Variants in QDPR observed in about 807,000 individuals in gnomAD.
QDPR encodes quinoid dihydropteridine reductase.
In QDPR, 23 loss-of-function variants were observed where a neutral mutation model predicts 31.7. The observed-to-expected ratio is 0.73, with a 90% confidence interval of 0.52 to 1.03. The LOEUF (loss-of-function observed/expected upper bound fraction) is 1.03, where lower values mean the gene tolerates loss of function less well. QDPR is among the 50% of genes least tolerant of loss of function. The pLI, the probability that QDPR is intolerant of heterozygous loss-of-function variation, is 0.00. For missense variants in QDPR, 324 were observed against 323.8 expected, an observed-to-expected ratio of 1.00 and a Z score of 0.00; for synonymous variants, 124 against 124.7, an observed-to-expected ratio of 0.99 and a Z score of 0.03.
At chr4:17,490,798 G>A in intron 5 of QDPR, 53 bp from the exon 6 acceptor site, 2 of 1,459,418 alleles carry the variant, frequency 1.4e-6, no homozygotes, top group Non-Finnish European at 1.9e-6. Context: ...TCTAACAACA[G>A]GTGCCCAGTC....
chr4:17,503,989 G>A (rs1718661712), intron 3 of QDPR, among the ~76,000 whole-genome samples: 1 of 151,852 alleles, frequency 6.6e-6, no homozygotes, highest in African/African-American at 2.4e-5. Context: ...GGGAGGGAAG[G>A]GAAGGGAAAA....
At chr4:17,499,533 T>G (rs1297724577) in intron 4 of QDPR, among the ~76,000 whole-genome samples, 1 of 152,252 alleles carries the variant, frequency 6.6e-6, no homozygotes, top group Non-Finnish European at 1.5e-5. Flanking sequence ...AGCCATGGAC[T>G]TGTAACATCA....
intron 2 of QDPR, among the ~76,000 whole-genome samples, chr4:17,509,027 A>G (rs952971444): frequency 1.8e-4 from 28 of 152,012 alleles, no homozygotes; most frequent in Non-Finnish European, 2.2e-4. Context: ...GGGTGGTGGC[A>G]GGCACCTGTA....
At chr4:17,495,222 A>G (rs182579010) in intron 4 of QDPR, among the ~76,000 whole-genome samples, 1 of 152,132 alleles carries the variant, frequency 6.6e-6, no homozygotes, top group Non-Finnish European at 1.5e-5. Context: ...TGGCCTTAAC[A>G]CCATCAAACC....
chr4:17,505,661 G>A (rs1365389901), intron 2 of QDPR, among the ~76,000 whole-genome samples: 2 of 152,122 alleles, frequency 1.3e-5, no homozygotes, highest in Non-Finnish European at 2.9e-5. Context: ...AGACCAGCCC[G>A]GGCAACATAA....
intron 4 of QDPR, among the ~76,000 whole-genome samples, chr4:17,500,856 C>T (rs1228144400): frequency 6.6e-6 from 1 of 152,164 alleles, no homozygotes; most frequent in Non-Finnish European, 1.5e-5. Flanking sequence ...AGACAAGTTA[C>T]TTAACTCTCC....
chr4:17,497,900 T>C (rs901242791), intron 4 of QDPR, among the ~76,000 whole-genome samples: 3 of 152,350 alleles, frequency 2.0e-5, no homozygotes, highest in African/African-American at 4.8e-5. Flanking sequence ...TTGGTCTTCC[T>C]TTCCTCCCAC....
At chr4:17,487,330 A>C in intron 6 of QDPR, 94 bp from the exon 7 acceptor site, 52 of 625,058 alleles carry the variant, frequency 8.3e-5, no homozygotes, top group Middle Eastern at 2.7e-4. Flanking sequence ...GGTGGGGGGA[A>C]GGGGTGGCAC....
chr4:17,501,568 G>A, intron 4 of QDPR, 151 bp downstream of exon 4: 2 of 916,640 alleles, frequency 2.2e-6, no homozygotes, highest in Non-Finnish European at 3.4e-6. Flanking sequence ...TCCCTAAAAT[G>A]ATTCAGGCCC....
Position 17,493,687 on chromosome 4 carries a change from A to AG in QDPR, c.437-1348dup, listed in dbSNP as rs532537012. ...GGCATGGAACTTCCACGCCTGCTCC[A>AG]GCCACGCCACCCTCCCAGTGCCCTC... On this transcript the variant is annotated intron_variant, in intron 4 of 6. Transcript: ENST00000281243. Among the ~76,000 whole-genome samples the AG allele has an allele frequency of 3.1e-4, 47 of 152,292 alleles. 1 individual carries two copies. The South Asian group carries it at 9.7e-3, about 32-fold the overall frequency.
chr4:17,486,984 AG>A lies in QDPR; in HGVS notation c.*146del, dbSNP rs1363603600. 4 of 717,244 alleles carry A rather than the reference AG, an allele frequency of 5.6e-6. No homozygotes were observed. The highest frequency in any genetic ancestry group is 1.0e-5 in the Non-Finnish European group (4 of 394,260). 44.4% of individuals were successfully genotyped at this position (717,244 alleles called of 1,614,324 possible). ...TAAATGTATTACACTGTCCTAGGAG[AG>A]CAAATGCATATTATGTGAGAGAAAA... On this transcript the variant is annotated 3_prime_UTR_variant, in exon 7 of 7. Transcript: ENST00000281243.
intron 3 of QDPR, among the ~76,000 whole-genome samples, chr4:17,503,108 C>T (rs1013608509): frequency 2.6e-5 from 4 of 152,116 alleles, no homozygotes; most frequent in Non-Finnish European, 5.9e-5. Context: ...ACGGGGAATA[C>T]CAAGGATAGA....
intron 4 of QDPR, among the ~76,000 whole-genome samples, chr4:17,495,943 C>T (rs1036136741): frequency 6.6e-6 from 1 of 151,744 alleles, no homozygotes; most frequent in Non-Finnish European, 1.5e-5. Flanking sequence ...CCCGGGAGGT[C>T]GAGGCTGCAG....
In QDPR at chr4:17,487,167, T is replaced by C. The variant is rs1456531873; in HGVS notation, c.699A>G (p.Thr233=). The change falls in exon 7 of 7, where the codon ACA becomes ACG. Residue 233 remains threonine (T), a synonymous_variant. Transcript: ENST00000281243. ...SSGSLIQVVT[T]EGRTELTPAY... is the part of the protein sequence containing the mutation. ...CTGGGGTGAGTTCCGTCCTTCCTTC[T>C]GTGGTTACCACCTGGATTAGGCTTC... 1 of 1,614,232 alleles carries C rather than the reference T, an allele frequency of 6.2e-7. No individual in the cohort carries two copies. Among genetic ancestry groups the C allele is most frequent in the Non-Finnish European group, 8.5e-7 (1 of 1,180,028 alleles).
rs757882024 is a variant in QDPR at position 17,501,846 on chromosome 4, G to A, written c.309C>T (p.Asn103=). The A allele has an allele frequency of 6.2e-7, 1 of 1,614,172 alleles. No homozygotes were observed. Among genetic ancestry groups the A allele is most frequent in the East Asian group, 2.2e-5 (1 of 44,876 alleles). The change falls in exon 4 of 7, where the codon AAC becomes AAT. Residue 103 remains asparagine (N), a synonymous_variant. Coordinates refer to ENST00000281243, the MANE Select transcript of QDPR (RefSeq NM_000320.3). ...GNAKSKSLFK[N]CDLMWKQSIW... ...TGCTCTGCTTCCACATCAGGTCACAGTTCTTAAAGAGAGCTGAGTGAAAAA... is the reference window on the plus strand; with the variant it reads ...TGCTCTGCTTCCACATCAGGTCACAATTCTTAAAGAGAGCTGAGTGAAAAA...
chr4:17,507,602 C>CTT lies in QDPR; in HGVS notation c.198+1667_198+1668dup, dbSNP rs5856426. ...TTAAGAGCATCAAAGATTTTTCTTTCTTTTTTTTTTTTTTGTTTTGAGACA... is the reference window on the plus strand; with the variant it reads ...TTAAGAGCATCAAAGATTTTTCTTTCTTTTTTTTTTTTTTTTGTTTTGAGACA... On this transcript the variant is annotated intron_variant, in intron 2 of 6. Transcript: ENST00000281243. Among the ~76,000 whole-genome samples, 631 of 143,748 alleles carry CTT rather than the reference C, an allele frequency of 4.4e-3. 8 individuals are homozygous for CTT. The highest frequency in any genetic ancestry group is 0.015 in the African/African-American group (570 of 38,876). The allele number at this position is 143,748 out of a possible 152,430, so 94.3% of individuals were successfully genotyped here. A position where few individuals can be genotyped will look rare whatever the true frequency, so the allele number is the denominator to read the frequency against.
chr4:17,492,478 G>A (rs903766259), intron 4 of QDPR, 138 bp from the exon 5 acceptor site: 8 of 723,224 alleles, frequency 1.1e-5, no homozygotes, highest in Middle Eastern at 2.8e-4. Context: ...CAGGTCAGAC[G>A]CCCTCACCAA....
At chr4:17,511,581 A>C (rs192511662) in intron 1 of QDPR, among the ~76,000 whole-genome samples, 1 of 152,306 alleles carries the variant, frequency 6.6e-6, no homozygotes, top group Admixed American at 6.5e-5. Flanking sequence ...ACGCGGTCTC[A>C]TGACTAGTAA....
intron 6 of QDPR, 46 bp downstream of exon 6, chr4:17,490,616 T>C (rs1438630127): frequency 4.7e-6 from 7 of 1,480,650 alleles, no homozygotes; most frequent in Middle Eastern, 1.7e-4. Context: ...AGGCAGAGAA[T>C]AGGGGCTGGA....
Sources: allele counts gnomAD v4.1 joint callset (sites outside exome capture counted in the v4.1 genomes callset), GRCh38; gene constraint gnomAD v4.1.1; transcripts MANE v1.5; gene names NCBI Gene and HGNC (gene_info 2026-07-23, HGNC 2026-07-21).